The following C20orf173 variants were observed in gnomAD, a reference collection of about 807,000 sequenced individuals.
C20orf173 encodes the protein chromosome 20 open reading frame 173.
Under a neutral mutation model 26.7 loss-of-function variants are expected in C20orf173, and 22 were observed. That is an observed-to-expected ratio of 0.82 (90% CI 0.59 to 1.18). C20orf173 has a LOEUF of 1.18. C20orf173 is among the 50% of genes most tolerant of loss of function. C20orf173 has a pLI of 0.00. For synonymous variants in C20orf173, 85 were observed against 96.4 expected (o/e 0.88, Z 0.69); for missense variants, 210 against 250.3 (o/e 0.84, Z 1.09).
At chr20:35,526,650 AG>A (rs1304660672), downstream of C20orf173, among the ~76,000 whole-genome samples, 829 of 143,994 alleles carry the variant, frequency 5.8e-3, 42 homozygotes, top group African/African-American at 0.016. Flanking sequence ...AAAAAAAAAA[AG>A]CGAATTGGAA....
intron 3 of C20orf173, 22 bp from the exon 4 acceptor site, chr20:35,528,566 G>C: frequency 1.3e-6 from 2 of 1,551,076 alleles, no homozygotes; most frequent in Non-Finnish European, 1.7e-6. Flanking sequence ...GAAGCATTGT[G>C]TGTGGTTTGG....
At position 35,529,273 on chromosome 20, in the gene C20orf173, T is replaced by A; in HGVS notation, c.101A>T (p.Glu34Val). 1 of 1,551,620 alleles carries A rather than the reference T, an allele frequency of 6.4e-7. No homozygotes were observed. Among genetic ancestry groups the A allele is most frequent in the Non-Finnish European group, 8.7e-7 (1 of 1,146,988 alleles). ...CTGTGGTACCAAGTACATTCGTTTTTCCTGGGGTGCTGATTCAGGTGTCAG... is the reference window on the plus strand; with the variant it reads ...CTGTGGTACCAAGTACATTCGTTTTACCTGGGGTGCTGATTCAGGTGTCAG... The part of the protein sequence containing the change: ...LDLTPESAPQ[E>V]KRMYLVPQHC... Residue 34 changes from glutamate (E) to valine (V), a missense_variant, in exon 2 of 6, where the codon GAA becomes GTA. Coordinates refer to ENST00000444723, the MANE Select transcript of C20orf173 (RefSeq NM_001145350.2).
chr20:35,526,647 A>C (rs1327641004), downstream of C20orf173, among the ~76,000 whole-genome samples: 2 of 151,324 alleles, frequency 1.3e-5, no homozygotes, highest in African/African-American at 4.9e-5. Flanking sequence ...AAAAAAAAAA[A>C]AAAGCGAATT....
At chr20:35,528,146 T>C in intron 5 of C20orf173, 87 bp downstream of exon 5, 1 of 1,151,566 alleles carries the variant, frequency 8.7e-7, no homozygotes, top group Non-Finnish European at 1.3e-6. Flanking sequence ...TGGTTGCACC[T>C]GGGGAGGAAG....
chr20:35,528,148 G>C lies in C20orf173; in HGVS notation c.*25+85C>G. On this transcript the variant is annotated intron_variant, in intron 5 of 5. Coordinates refer to ENST00000444723, the MANE Select transcript of C20orf173 (RefSeq NM_001145350.2). ...CAGCCAGTTGTCCTGGTTGCACCTG[G>C]GGAGGAAGGGGGAGGGAACTGACCT... The C allele has an allele frequency of 3.5e-6, 4 of 1,158,412 alleles. No individual in the cohort carries two copies. The East Asian group carries it at 7.7e-5, about 22-fold the overall frequency. The allele number at this position is 1,158,412 out of a possible 1,614,324, so 71.8% of individuals were successfully genotyped here.
Position 35,528,301 on chromosome 20 carries a change from G to A in C20orf173, c.583-17C>T, listed in dbSNP as rs1027106640. The A allele has an allele frequency of 3.9e-6, 6 of 1,551,780 alleles. No individual in the cohort carries two copies. In the African/African-American group the frequency reaches 6.8e-5, roughly 18 times the overall value. On this transcript the variant is annotated splice_polypyrimidine_tract_variant and intron_variant, in intron 4 of 5. Coordinates refer to ENST00000444723, the MANE Select transcript of C20orf173 (RefSeq NM_001145350.2). ...TTCCAAAATCTGAGAAAGAATTGGA[G>A]GTGGGGGAGTTTGGGCCACAAGACC... is the stretch of plus-strand genomic sequence containing the variant.
At chr20:35,526,342 A>G (rs1202329520), downstream of C20orf173, among the ~76,000 whole-genome samples, 2 of 152,170 alleles carry the variant, frequency 1.3e-5, no homozygotes, top group East Asian at 3.8e-4. Context: ...TGACACGGTA[A>G]GTGCTAGGCA....
At chr20:35,525,916 T>C (rs956001169), downstream of C20orf173, among the ~76,000 whole-genome samples, 18 of 152,222 alleles carry the variant, frequency 1.2e-4, no homozygotes, top group African/African-American at 4.3e-4. Context: ...CAAGCAGTCC[T>C]CCTGCCTCAG....
Position 35,529,440 on chromosome 20 carries a change from G to A in C20orf173, c.-51-16C>T. On this transcript the variant is annotated splice_polypyrimidine_tract_variant and intron_variant, in intron 1 of 5. Transcript: ENST00000444723. ...GCTTCTCTACCTGTAAGGATGAGGG[G>A]CTGAGGCCACAGACAGCACCAGCTT... 1 of 1,420,826 alleles carries A rather than the reference G, an allele frequency of 7.0e-7. No individual in the cohort carries two copies. The highest frequency in any genetic ancestry group is 9.4e-7 in the Non-Finnish European group (1 of 1,068,650). The allele number at this position is 1,420,826 out of a possible 1,614,324, so 88.0% of individuals were successfully genotyped here. A position where few individuals can be genotyped will look rare whatever the true frequency, so the allele number is the denominator to read the frequency against.
chr20:35,528,602 G>A (rs1286532555), intron 3 of C20orf173, 58 bp from the exon 4 acceptor site: 1 of 1,548,612 alleles, frequency 6.5e-7, no homozygotes, highest in East Asian at 2.4e-5. Flanking sequence ...TCAAAGCCCT[G>A]GACTTGGGGC....
downstream of C20orf173, chr20:35,522,929 A>G (rs1253325526): frequency 6.5e-6 from 1 of 152,752 alleles, no homozygotes; most frequent in Non-Finnish European, 1.5e-5. Context: ...AGAAGGTTAG[A>G]GCCTGGGGCC....
At chr20:35,524,694 T>A (rs1277137784), downstream of C20orf173, among the ~76,000 whole-genome samples, 2 of 148,650 alleles carry the variant, frequency 1.3e-5, no homozygotes, top group Non-Finnish European at 3.0e-5. Flanking sequence ...TTTTTGTTCA[T>A]GATAATTTTT....
Position 35,528,830 on chromosome 20 carries a change from T to C in C20orf173, c.359A>G (p.Lys120Arg). ...ELGKLWRKLFKGIPRLSVSHF... is the reference protein window; with the variant it reads ...ELGKLWRKLFRGIPRLSVSHF... ...GCTCACCGAGAGCCTGGGAATCCCT[T>C]TAAACAGCTTCCTCCACAATTTCCC... The change falls in exon 3 of 6, where the codon AAA becomes AGA. Residue 120 changes from lysine (K) to arginine (R), a missense_variant. Transcript: ENST00000444723. 6.4e-7 allele frequency: 1 copy of C among 1,550,888 alleles called. No homozygotes were observed. The highest frequency in any genetic ancestry group is 8.7e-7 in the Non-Finnish European group (1 of 1,146,826).
At chr20:35,522,552 C>T (rs535484274), downstream of C20orf173, 2 of 152,800 alleles carry the variant, frequency 1.3e-5, no homozygotes, top group African/African-American at 4.8e-5. Context: ...CTGTTCCCCA[C>T]ATCTGCCTCA....
In C20orf173 at chr20:35,528,878, C is replaced by G. The variant is rs1279695235; in HGVS notation, c.311G>C (p.Gly104Ala). 6.4e-7 allele frequency: 1 copy of G among 1,551,370 alleles called. No homozygotes were observed. Among genetic ancestry groups the G allele is most frequent in the East Asian group, 2.4e-5 (1 of 40,894 alleles). ...MTSDTVLWWL[G>A]MNSGSELGKL... ...CCCAAGCTCGCTCCCTGAGTTCATG[C>G]CCTGGAAACAGCAAGAGGGAGATTG... Residue 104 changes from glycine (G) to alanine (A), a missense_variant and splice_region_variant, in exon 3 of 6, where the codon GGC becomes GCC. Physicochemically the swap from Gly to Ala is moderately conservative, Grantham distance 60. Coordinates refer to ENST00000444723, the MANE Select transcript of C20orf173 (RefSeq NM_001145350.2).
chr20:35,521,375 A>G (rs925564988), downstream of C20orf173, among the ~76,000 whole-genome samples: 3 of 152,122 alleles, frequency 2.0e-5, no homozygotes, highest in African/African-American at 7.2e-5. Context: ...GTTGTTCTTC[A>G]TTATATATTG....
downstream of C20orf173, among the ~76,000 whole-genome samples, chr20:35,525,817 C>A (rs375773842): frequency 8.5e-5 from 13 of 152,332 alleles, no homozygotes; most frequent in South Asian, 4.1e-4. Context: ...CCAGAGTTAG[C>A]AGCTCAGCAG....
chr20:35,529,651 G>A lies in C20orf173; in HGVS notation c.-144C>T, dbSNP rs901543688. On this transcript the variant is annotated 5_prime_UTR_variant, in exon 1 of 6. Coordinates refer to ENST00000444723, the MANE Select transcript of C20orf173 (RefSeq NM_001145350.2). The stretch of plus-strand genomic sequence containing the variant: ...TCCTGAGAGGGGAAGGAATACCTCA[G>A]TGGGGGCCTTGCTGTCATCCCAGTT... 1 of 457,916 alleles carries A rather than the reference G, an allele frequency of 2.2e-6. No individual in the cohort carries two copies. The highest frequency in any genetic ancestry group is 1.9e-5 in the African/African-American group (1 of 51,388). The allele number at this position is 457,916 out of a possible 1,614,324, so 28.4% of individuals were successfully genotyped here.
At chr20:35,528,593 C>A in intron 3 of C20orf173, 49 bp from the exon 4 acceptor site, 2 of 1,550,232 alleles carry the variant, frequency 1.3e-6, no homozygotes, top group Non-Finnish European at 1.7e-6. Context: ...ACGTCCATCT[C>A]AAAGCCCTGG....
Sources: allele counts gnomAD v4.1 joint callset (sites outside exome capture counted in the v4.1 genomes callset), GRCh38; gene constraint gnomAD v4.1.1; transcripts MANE v1.5; gene names NCBI Gene and HGNC (gene_info 2026-07-23, HGNC 2026-07-21).